Variants in GPR143 observed in about 807,000 individuals in gnomAD.
GPR143 encodes G protein-coupled receptor 143, also known as G-protein coupled receptor 143.
Under a neutral mutation model 27.6 loss-of-function variants are expected in GPR143, and 8 were observed. That is an observed-to-expected ratio of 0.29 (90% CI 0.17 to 0.52). The LOEUF (loss-of-function observed/expected upper bound fraction) is 0.52. GPR143 is among the 20% of genes least tolerant of loss of function. The probability of loss-of-function intolerance (pLI) is 0.96; values close to 1 mark genes in which losing one functional copy is unlikely to be tolerated. For synonymous variants in GPR143, 156 were observed against 153.2 expected, an observed-to-expected ratio of 1.02 and a Z score of -0.13; for missense variants, 303 against 343.1, an observed-to-expected ratio of 0.88 and a Z score of 0.92.
At position 9,734,365 on chromosome X, in the gene GPR143, A is replaced by T. The variant is rs185099980; in HGVS notation, c.1120+5120T>A. On this transcript the variant is annotated intron_variant, in intron 8 of 8. Transcript: ENST00000467482. ...GGAATTGTGGGAGAGACAGAGAATT[A>T]TGGGAGAAACAGAATTGTGGAGAGT... is the stretch of plus-strand genomic sequence containing the variant. Among the ~76,000 whole-genome samples, 7 of 111,540 alleles carry T rather than the reference A, an allele frequency of 6.3e-5. No homozygotes were observed. The East Asian group carries it at 2.0e-3, about 32-fold the overall frequency.
At chrX:9,771,919 C>T (rs898521582) in intron 1 of GPR143, among the ~76,000 whole-genome samples, 15 of 110,335 alleles carry the variant, frequency 1.4e-4, no homozygotes, top group African/African-American at 5.0e-4. Flanking sequence ...CCATGTTAGC[C>T]AGGCTGGTCT....
intron 8 of GPR143, among the ~76,000 whole-genome samples, chrX:9,731,240 CA>C (rs1441205004): frequency 3.6e-5 from 4 of 111,163 alleles, no homozygotes; most frequent in East Asian, 2.8e-4. Flanking sequence ...ACGAAAAATA[CA>C]AAAAAAGTAG....
intron 8 of GPR143, among the ~76,000 whole-genome samples, chrX:9,737,896 A>C (rs1219402299): frequency 9.0e-6 from 1 of 111,094 alleles, no homozygotes; most frequent in African/African-American, 3.3e-5. Context: ...GCTACTCAGG[A>C]GACTCAGGTG....
chrX:9,731,917 G>A (rs2083356158), intron 8 of GPR143, among the ~76,000 whole-genome samples: 1 of 110,908 alleles, frequency 9.0e-6, no homozygotes, highest in Non-Finnish European at 1.9e-5. Flanking sequence ...TTGTGAGAAA[G>A]GTCAGGAATT....
chrX:9,760,852 G>A, intron 1 of GPR143, 26 bp from the exon 2 acceptor site: 3 of 791,152 alleles, frequency 3.8e-6, no homozygotes, highest in South Asian at 2.2e-5. Context: ...ATAATACTTT[G>A]TATCTGATCC....
chrX:9,746,232 A>T (rs2083428077), intron 4 of GPR143, 79 bp from the exon 5 acceptor site: 1 of 590,273 alleles, frequency 1.7e-6, no homozygotes, highest in African/African-American at 2.2e-5. Context: ...GGAAGTCAAG[A>T]TAAGAGGATG....
intron 3 of GPR143, among the ~76,000 whole-genome samples, chrX:9,758,764 G>T (rs1352921445): frequency 1.8e-5 from 2 of 110,683 alleles, no homozygotes; most frequent in African/African-American, 3.3e-5. Context: ...CATGTCTGTA[G>T]TCCCAGCTAC....
upstream of GPR143, among the ~76,000 whole-genome samples, chrX:9,767,442 C>G (rs959576325): frequency 1.0e-4 from 11 of 110,551 alleles, no homozygotes; most frequent in Admixed American, 3.9e-4. Flanking sequence ...TCCCCACCAG[C>G]TTTGCGGTTT....
intron 1 of GPR143, among the ~76,000 whole-genome samples, chrX:9,761,872 C>T (rs766834629): frequency 3.6e-4 from 39 of 109,273 alleles, no homozygotes; most frequent in Non-Finnish European, 5.7e-4. Flanking sequence ...CCAAGGCCGG[C>T]GGATCACTTG....
Position 9,739,636 on chromosome X carries a change from G to A in GPR143, c.969C>T (p.Pro323=). The change falls in exon 8 of 9, where the codon CCC becomes CCT. Residue 323 remains proline (P), a synonymous_variant. Transcript: ENST00000467482. ...WTGCSLGFQS[P]RKEIQWESLT... Reference sequence around the variant, plus strand: ...GTGATTCCCACTGGATCTCCTTCCTGGGAGACTGAAAACCCAGGCTGCATC... The same window carrying A: ...GTGATTCCCACTGGATCTCCTTCCTAGGAGACTGAAAACCCAGGCTGCATC... The A allele has an allele frequency of 5.0e-6, 6 of 1,202,501 alleles. No homozygotes were observed. Among genetic ancestry groups the A allele is most frequent in the Non-Finnish European group, 6.7e-6 (6 of 889,633 alleles).
Position 9,729,223 on chromosome X carries a change from C to T in GPR143, c.1121-3383G>A, listed in dbSNP as rs143466538. Among the ~76,000 whole-genome samples the T allele has an allele frequency of 7.2e-3, 806 of 111,412 alleles. 4 individuals are homozygous for T. Among genetic ancestry groups the T allele is most frequent in the African/African-American group, 0.025 (763 of 30,582 alleles). ...ATTCTTGCTGGAAGGGGGCTGGTGG[C>T]ACTTCAAAAATACTTGATTCTAACA... On this transcript the variant is annotated intron_variant, in intron 8 of 8. Coordinates refer to ENST00000467482, the MANE Select transcript of GPR143 (RefSeq NM_000273.3).
At position 9,746,155 on chromosome X, in the gene GPR143, T is replaced by A; in HGVS notation, c.549-2A>T. The A allele has an allele frequency of 8.9e-7, 1 of 1,125,362 alleles. No homozygotes were observed. Among genetic ancestry groups the A allele is most frequent in the Non-Finnish European group, 1.2e-6 (1 of 816,460 alleles). The allele number at this position is 1,125,362 out of a possible 1,213,427, so 92.7% of individuals were successfully genotyped here. On this transcript the variant is annotated splice_acceptor_variant, in intron 4 of 8. Transcript: ENST00000467482. LOFTEE classifies it high-confidence loss of function. The stretch of plus-strand genomic sequence containing the variant: ...GCGTGGTCCAGGCCCCGCTCACACC[T>A]GAGAGAGGAAAACCAAAGTCATTCT...
chrX:9,770,760 G>A (rs896182565), upstream of GPR143, among the ~76,000 whole-genome samples: 1 of 111,376 alleles, frequency 9.0e-6, no homozygotes, highest in African/African-American at 3.3e-5. Context: ...CTCACTCCTA[G>A]AGTCCTTATA....
intron 8 of GPR143, among the ~76,000 whole-genome samples, chrX:9,731,267 C>A (rs1175761246): frequency 9.0e-6 from 1 of 110,892 alleles, no homozygotes; most frequent in Admixed American, 9.6e-5. Flanking sequence ...ACTTAGGGAG[C>A]CTGAGGCAGG....
At position 9,725,777 on chromosome X, in the gene GPR143, T is replaced by C; in HGVS notation, c.1184A>G (p.Asp395Gly). 1 of 1,208,953 alleles carries C rather than the reference T, an allele frequency of 8.3e-7. No homozygotes were observed. The highest frequency in any genetic ancestry group is 1.1e-6 in the Non-Finnish European group (1 of 893,528). ...GTCTCCATGGGTTGGGAGAGCAGGG[T>C]CACCCTCATTTTTGTTGCAGGATTC... is the stretch of plus-strand genomic sequence containing the variant. ...ASESCNKNEG[D>G]PALPTHGDL Residue 395 changes from aspartate (D) to glycine (G), a missense_variant, in exon 9 of 9, where the codon GAC becomes GGC. Coordinates refer to ENST00000467482, the MANE Select transcript of GPR143 (RefSeq NM_000273.3).
At chrX:9,755,454 A>G (rs188898684) in intron 3 of GPR143, among the ~76,000 whole-genome samples, 1,418 of 110,213 alleles carry the variant, frequency 0.013, 35 homozygotes, top group African/African-American at 0.045. Flanking sequence ...CTCAAAAAAA[A>G]GAAAAGAAAA....
At chrX:9,775,807 G>A (rs760741939) in intron 1 of GPR143, among the ~76,000 whole-genome samples, 13 of 112,260 alleles carry the variant, frequency 1.2e-4, no homozygotes, top group Non-Finnish European at 2.4e-4. Context: ...GTGCAACTGT[G>A]GTTTCAAGGA....
intron 4 of GPR143, among the ~76,000 whole-genome samples, chrX:9,747,452 G>A (rs2064235608): frequency 9.0e-6 from 1 of 111,336 alleles, no homozygotes; most frequent in Non-Finnish European, 1.9e-5. Context: ...TCCCACAGGC[G>A]AGGGAGAGTC....
intron 2 of GPR143, among the ~76,000 whole-genome samples, chrX:9,759,849 C>T (rs1034803086): frequency 4.5e-5 from 5 of 110,872 alleles, no homozygotes; most frequent in Non-Finnish European, 9.4e-5. Flanking sequence ...GATGTCTCGC[C>T]ACTGCGGGCT....
Sources: gnomAD v4.1 joint callset for allele counts (sites outside exome capture counted in the v4.1 genomes callset) on GRCh38, gnomAD v4.1.1 for gene constraint, MANE v1.5 for transcripts, NCBI Gene and HGNC (gene_info 2026-07-23, HGNC 2026-07-21) for gene names.